DCPS: variants seen among roughly 807,000 people sequenced by gnomAD.
The protein encoded by DCPS is decapping enzyme, scavenger.
In DCPS, 27 loss-of-function variants were observed where a neutral mutation model predicts 34.7. That is an observed-to-expected ratio of 0.78 (90% CI 0.57 to 1.07). DCPS has a LOEUF of 1.07. DCPS is among the 50% of genes least tolerant of loss of function. The probability of loss-of-function intolerance (pLI) is 0.00; values close to 1 mark genes in which losing one functional copy is unlikely to be tolerated. For synonymous variants in DCPS, 185 were observed against 185.7 expected, an observed-to-expected ratio of 1.00 and a Z score of 0.03; for missense variants, 464 against 436.9, an observed-to-expected ratio of 1.06 and a Z score of -0.55.
At chr11:126,317,247 C>G (rs1043369691) in intron 2 of DCPS, among the ~76,000 whole-genome samples, 1 of 151,342 alleles carries the variant, frequency 6.6e-6, no homozygotes, top group East Asian at 1.9e-4. Flanking sequence ...GCGTGAGCCA[C>G]TGCACCCGGC....
At chr11:126,340,329 T>A (rs961545579) in intron 4 of DCPS, among the ~76,000 whole-genome samples, 2 of 151,810 alleles carry the variant, frequency 1.3e-5, no homozygotes, top group South Asian at 4.1e-4. Context: ...CTTAATTCTT[T>A]TTTTTTTTTT....
chr11:126,339,568 AT>A (rs1342230746), intron 4 of DCPS, among the ~76,000 whole-genome samples: 12 of 152,204 alleles, frequency 7.9e-5, no homozygotes, highest in African/African-American at 2.4e-4. Context: ...GTGGGAAAGA[AT>A]TTGAAGGGAT....
In DCPS at chr11:126,322,679, G is replaced by A. The variant is rs1210384615; in HGVS notation, c.377-8726G>A. Among the ~76,000 whole-genome samples the A allele has an allele frequency of 5.3e-5, 8 of 150,370 alleles. No homozygotes were observed. Among genetic ancestry groups the A allele is most frequent in the Admixed American group, 4.0e-4 (6 of 15,006 alleles). The stretch of plus-strand genomic sequence containing the variant: ...ACAATCTCGGCTCACTGCAACCTCC[G>A]CCTCCGAGGTTCAAGTGATTCTCCT... On this transcript the variant is annotated intron_variant, in intron 2 of 5. Transcript: ENST00000263579. This position sits in a 1 kb window ranked among gnomAD's most constrained non-coding sequence, Gnocchi z 4.2.
Position 126,342,837 on chromosome 11 carries a change from T to C in DCPS, c.637-470T>C, listed in dbSNP as rs1395570869. ...GCTCACGCCTGTAATCCCAGCACTT[T>C]GGGAGGCCGAGGCAGGCGGATCATG... On this transcript the variant is annotated intron_variant, in intron 4 of 5. Transcript: ENST00000263579. The surrounding 1 kb of genome is among the most constrained non-coding windows in gnomAD (Gnocchi z 4.4). Among the ~76,000 whole-genome samples the C allele has an allele frequency of 6.6e-6, 1 of 152,006 alleles. No homozygotes were observed. The highest frequency in any genetic ancestry group is 1.5e-5 in the Non-Finnish European group (1 of 67,982).
chr11:126,320,554 A>G lies in DCPS; in HGVS notation c.377-10851A>G, dbSNP rs1048886102. Among the ~76,000 whole-genome samples the G allele has an allele frequency of 1.1e-4, 17 of 152,148 alleles. No homozygotes were observed. Among genetic ancestry groups the G allele is most frequent in the African/African-American group, 3.9e-4 (16 of 41,432 alleles). On this transcript the variant is annotated intron_variant, in intron 2 of 5. Coordinates refer to ENST00000263579, the MANE Select transcript of DCPS (RefSeq NM_014026.6). The surrounding 1 kb of genome is among the most constrained non-coding windows in gnomAD (Gnocchi z 4.7). ...GCAGTGGCTCATGCCCCTAATCCCA[A>G]CACATTGGGAGGCCAAGGTGGGTGG...
In DCPS at chr11:126,338,204, G is replaced by A. The variant is rs1835589941; in HGVS notation, c.523-82G>A. The A allele has an allele frequency of 1.6e-5, 21 of 1,336,208 alleles. No individual in the cohort carries two copies. The highest frequency in any genetic ancestry group is 3.7e-5 in the Admixed American group (2 of 53,960). The allele number at this position is 1,336,208 out of a possible 1,614,324, so 82.8% of individuals were successfully genotyped here. On this transcript the variant is annotated intron_variant, in intron 3 of 5. Coordinates refer to ENST00000263579, the MANE Select transcript of DCPS (RefSeq NM_014026.6). This position sits in a 1 kb window ranked among gnomAD's most constrained non-coding sequence, Gnocchi z 5.4. ...TGGTTCTGTCTCCTGGAGAGGCCAG[G>A]GAATGCCCTGAGCTCAGTTTGGGGT...
In DCPS at chr11:126,345,819, G is replaced by A. The variant is rs999315998; in HGVS notation, c.*206G>A. ...GACAGTGGGTGGGTAGAACCTGTGG[G>A]AAGGCCTTGAGAATGGTGGAAAGTC... On this transcript the variant is annotated 3_prime_UTR_variant, in exon 6 of 6. Transcript: ENST00000263579. The surrounding 1 kb of genome is among the most constrained non-coding windows in gnomAD (Gnocchi z 7.4). The A allele has an allele frequency of 1.8e-5, 13 of 728,196 alleles. No individual in the cohort carries two copies. In the Admixed American group the frequency reaches 3.3e-4, roughly 18 times the overall value. 45.1% of individuals were successfully genotyped at this position (728,196 alleles called of 1,614,324 possible).
rs556401323 is a variant in DCPS, at chr11:126,338,325, C to T, written c.562C>T (p.Arg188Trp). The T allele has an allele frequency of 5.9e-5, 96 of 1,614,140 alleles. 2 individuals carry two copies. The highest frequency in any genetic ancestry group is 2.3e-4 in the Admixed American group (14 of 60,018). Residue 188 changes from arginine to tryptophan, a missense_variant, in exon 4 of 6, where the codon CGG becomes TGG. Physicochemically the swap from Arg to Trp is moderately radical, Grantham distance 101. Coordinates refer to ENST00000263579, the MANE Select transcript of DCPS (RefSeq NM_014026.6). The surrounding 1 kb of genome is among the most constrained non-coding windows in gnomAD (Gnocchi z 5.4). ...NILDKKAEAD[R>W]IVFENPDPSD... Reference sequence around the variant, plus strand: ...TCTCGACAAGAAGGCTGAAGCGGACCGGATTGTTTTCGAGAACCCAGATCC... The same window carrying T: ...TCTCGACAAGAAGGCTGAAGCGGACTGGATTGTTTTCGAGAACCCAGATCC...
rs1263885219 is a variant in DCPS at position 126,337,607 on chromosome 11, C to T, written c.523-679C>T. ...TAGCCCTGAAAGGTCTTGGTGAGGT[C>T]ACTGTCTCTGTGTCTCTACATAGCT... On this transcript the variant is annotated intron_variant, in intron 3 of 5. Coordinates refer to ENST00000263579, the MANE Select transcript of DCPS (RefSeq NM_014026.6). The surrounding 1 kb of genome is among the most constrained non-coding windows in gnomAD (Gnocchi z 5.3). The T allele has an allele frequency of 6.6e-6, 1 of 152,582 alleles. No homozygotes were observed. Among genetic ancestry groups the T allele is most frequent in the Non-Finnish European group, 1.5e-5 (1 of 68,334 alleles). 9.5% of individuals were successfully genotyped at this position (152,582 alleles called of 1,614,324 possible). A position where few individuals can be genotyped will look rare whatever the true frequency, so the allele number is the denominator to read the frequency against.
rs1378768715 is a variant in DCPS at position 126,348,889 on chromosome 11, C to T, written c.*3276C>T. Among the ~76,000 whole-genome samples, 3 of 152,166 alleles carry T rather than the reference C, an allele frequency of 2.0e-5. No homozygotes were observed. In the South Asian group the frequency reaches 6.2e-4, roughly 32 times the overall value. On this transcript the variant is annotated 3_prime_UTR_variant, in exon 6 of 6. Transcript: ENST00000263579. The surrounding 1 kb of genome is among the most constrained non-coding windows in gnomAD (Gnocchi z 5.3). ...TGACCCACATTCTCCTTCCTTTTTACGAAGAAATGGGCTCAGGATGTCTTG... is the reference window on the plus strand; with the variant it reads ...TGACCCACATTCTCCTTCCTTTTTATGAAGAAATGGGCTCAGGATGTCTTG...
Position 126,325,231 on chromosome 11 carries a change from C to G in DCPS, c.377-6174C>G, listed in dbSNP as rs1951731700. Among the ~76,000 whole-genome samples the G allele has an allele frequency of 6.6e-6, 1 of 152,026 alleles. No individual in the cohort carries two copies. Among genetic ancestry groups the G allele is most frequent in the Non-Finnish European group, 1.5e-5 (1 of 67,998 alleles). ...AACAGTAAAAATGTAATGACTTATT[C>G]CATACACCAAAAATTATGCTGAAGA... On this transcript the variant is annotated intron_variant, in intron 2 of 5. Coordinates refer to ENST00000263579, the MANE Select transcript of DCPS (RefSeq NM_014026.6). The surrounding 1 kb of genome is among the most constrained non-coding windows in gnomAD (Gnocchi z 4.3).
chr11:126,305,161 A>G (rs1951553683), intron 1 of DCPS, among the ~76,000 whole-genome samples: 1 of 152,074 alleles, frequency 6.6e-6, no homozygotes, highest in Non-Finnish European at 1.5e-5. Flanking sequence ...CACCCAGGCT[A>G]GAGTGCAGTG....
In DCPS at chr11:126,312,272, A is replaced by G. The variant is rs1281311755; in HGVS notation, c.376+5528A>G. On this transcript the variant is annotated intron_variant, in intron 2 of 5. Transcript: ENST00000263579. This position sits in a 1 kb window ranked among gnomAD's most constrained non-coding sequence, Gnocchi z 5.1. ...ACAATGCTTACCCATCCGCTATGGC[A>G]TACTCTGTAGTATTTCCTATCTAGT... Among the ~76,000 whole-genome samples the G allele has an allele frequency of 2.6e-5, 4 of 152,112 alleles. No homozygotes were observed. Among genetic ancestry groups the G allele is most frequent in the Non-Finnish European group, 5.9e-5 (4 of 68,016 alleles).
Position 126,343,417 on chromosome 11 carries a change from GGTGA to G in DCPS, c.747+4_747+7del. On this transcript the variant is annotated splice_donor_variant and splice_donor_region_variant and intron_variant, in intron 5 of 5. Coordinates refer to ENST00000263579, the MANE Select transcript of DCPS (RefSeq NM_014026.6). LOFTEE classifies it high-confidence loss of function. ...TCAGGAACATCCTCCACCAGGGGCA[GGTGA>G]GTGGCTTCACCAAACCACGTGGAAG... 1 of 1,611,760 alleles carries G rather than the reference GGTGA, an allele frequency of 6.2e-7. No homozygotes were observed. The highest frequency in any genetic ancestry group is 8.5e-7 in the Non-Finnish European group (1 of 1,178,756).
At chr11:126,305,709 C>T (rs553057899) in intron 1 of DCPS, among the ~76,000 whole-genome samples, 3 of 152,208 alleles carry the variant, frequency 2.0e-5, no homozygotes, top group Non-Finnish European at 4.4e-5. Context: ...GCATGAGCGA[C>T]TGCGCTGGGC....
chr11:126,344,696 G>A lies in DCPS; in HGVS notation c.748-651G>A, dbSNP rs1001512799. 1.3e-5 allele frequency among the ~76,000 whole-genome samples: 2 copies of A among 152,166 alleles called. No individual in the cohort carries two copies. Among genetic ancestry groups the A allele is most frequent in the Admixed American group, 1.3e-4 (2 of 15,284 alleles). On this transcript the variant is annotated intron_variant, in intron 5 of 5. Transcript: ENST00000263579. This position sits in a 1 kb window ranked among gnomAD's most constrained non-coding sequence, Gnocchi z 8.1. Reference sequence around the variant, plus strand: ...TCACAGCCTCCTGAAGGTGGAGGTTGGTAGAAAAAGACCCACCCCTGAGCA... The same window carrying A: ...TCACAGCCTCCTGAAGGTGGAGGTTAGTAGAAAAAGACCCACCCCTGAGCA...
At chr11:126,318,493 C>T (rs576737361) in intron 2 of DCPS, among the ~76,000 whole-genome samples, 1 of 152,312 alleles carries the variant, frequency 6.6e-6, no homozygotes, top group South Asian at 2.1e-4. Context: ...GGACATCCCA[C>T]AGAGGAGGAA....
At chr11:126,330,907 T>G (rs1162052139) in intron 2 of DCPS, among the ~76,000 whole-genome samples, 1 of 151,282 alleles carries the variant, frequency 6.6e-6, no homozygotes, top group African/African-American at 2.4e-5. Flanking sequence ...CGGTTAATTT[T>G]GTATCTTTAG....
Position 126,337,942 on chromosome 11 carries a change from G to T in DCPS, c.523-344G>T, listed in dbSNP as rs899064198. The T allele has an allele frequency of 4.4e-5, 11 of 252,084 alleles. No individual in the cohort carries two copies. The highest frequency in any genetic ancestry group is 8.6e-5 in the Non-Finnish European group (11 of 128,176). The allele number at this position is 252,084 out of a possible 1,614,324, so 15.6% of individuals were successfully genotyped here. On this transcript the variant is annotated intron_variant, in intron 3 of 5. Transcript: ENST00000263579. This position sits in a 1 kb window ranked among gnomAD's most constrained non-coding sequence, Gnocchi z 5.3. ...CTGAGTCCTGTGAGCGGTGGAGGGG[G>T]TCACTGCTATAGAGGGCAGACACAG...
Sources: gnomAD v4.1 joint callset for allele counts (sites outside exome capture counted in the v4.1 genomes callset) on GRCh38, gnomAD v4.1.1 for gene constraint, Gnocchi (gnomAD v3.1) non-coding constraint, MANE v1.5 for transcripts, NCBI Gene and HGNC (gene_info 2026-07-23, HGNC 2026-07-21) for gene names.